Variants in EGFL6 observed in about 807,000 individuals in gnomAD.
EGFL6 encodes epidermal growth factor-like protein 6.
A neutral mutation model predicts 43.1 loss-of-function variants in EGFL6; 42 were observed. The ratio of observed to expected loss-of-function variants is 0.98; its 90% CI spans 0.76 to 1.26. The LOEUF (loss-of-function observed/expected upper bound fraction) is 1.26, where lower values mean the gene tolerates loss of function less well. EGFL6 is among the 50% of genes most tolerant of loss of function. EGFL6 has a pLI of 0.00. For synonymous variants in EGFL6, 164 were observed against 163.2 expected, an observed-to-expected ratio of 1.01 and a Z score of -0.04; for missense variants, 429 against 427.8, an observed-to-expected ratio of 1.00 and a Z score of -0.02.
chrX:13,576,313 G>C (rs1042221398), intron 1 of EGFL6, among the ~76,000 whole-genome samples: 1 of 111,137 alleles, frequency 9.0e-6, no homozygotes, highest in African/African-American at 3.3e-5. Context: ...CAAATTTCAT[G>C]AGAACACACT....
intron 7 of EGFL6, among the ~76,000 whole-genome samples, chrX:13,610,816 T>C (rs1158955589): frequency 9.0e-6 from 1 of 111,408 alleles, no homozygotes; most frequent in Non-Finnish European, 1.9e-5. Flanking sequence ...CTGTTCAAAA[T>C]GGGGTTTATG....
At chrX:13,572,045 T>C (rs1232339010) in intron 1 of EGFL6, among the ~76,000 whole-genome samples, 2 of 112,591 alleles carry the variant, frequency 1.8e-5, no homozygotes, top group African/African-American at 6.5e-5. Flanking sequence ...TAAATGGTAT[T>C]TAGTGCATAG....
chrX:13,587,320 T>C (rs1470496454), intron 1 of EGFL6, among the ~76,000 whole-genome samples: 1 of 112,475 alleles, frequency 8.9e-6, no homozygotes, highest in Non-Finnish European at 1.9e-5. Context: ...CAGCATACTT[T>C]ATGGTTAGTT....
At chrX:13,613,871 T>A in intron 7 of EGFL6, among the ~76,000 whole-genome samples, 1 of 112,046 alleles carries the variant, frequency 8.9e-6, no homozygotes, top group Non-Finnish European at 1.9e-5. Flanking sequence ...TATTCAAGAA[T>A]ATGGGTTTTG....
chrX:13,578,109 C>T (rs986021787), intron 1 of EGFL6, among the ~76,000 whole-genome samples: 7 of 111,552 alleles, frequency 6.3e-5, no homozygotes, highest in Admixed American at 5.7e-4. Flanking sequence ...AAGCAACAAA[C>T]GTCAACAAAG....
chrX:13,617,545 A>G (rs886840606), intron 7 of EGFL6, among the ~76,000 whole-genome samples, 185 bp from the exon 8 acceptor site: 11 of 111,436 alleles, frequency 9.9e-5, no homozygotes, highest in African/African-American at 3.6e-4. Flanking sequence ...AACTACCATA[A>G]CAGTGGAACT....
chrX:13,629,065 AGTATAT>A (rs1297893737), intron 11 of EGFL6, among the ~76,000 whole-genome samples: 1 of 113,044 alleles, frequency 8.8e-6, no homozygotes, highest in African/African-American at 3.2e-5. Flanking sequence ...TATAAATAAA[AGTATAT>A]GTTGGGTACC....
chrX:13,622,207 A>G (rs1451883312), intron 9 of EGFL6, among the ~76,000 whole-genome samples: 5 of 106,138 alleles, frequency 4.7e-5, no homozygotes, highest in African/African-American at 1.5e-4. Context: ...ATAGGGAGTT[A>G]AGAAGAAAGG....
chrX:13,578,687 C>A (rs918386013), intron 1 of EGFL6, among the ~76,000 whole-genome samples: 2 of 110,561 alleles, frequency 1.8e-5, no homozygotes, highest in Admixed American at 1.9e-4. Flanking sequence ...GGACAAAAAA[C>A]CAAACACCGC....
intron 1 of EGFL6, among the ~76,000 whole-genome samples, chrX:13,571,110 CCCACCA>C (rs1247073776): frequency 1.1e-5 from 1 of 88,027 alleles, no homozygotes; most frequent in Non-Finnish European, 2.2e-5. Flanking sequence ...CACCCCACCC[CCCACCA>C]CCACCACCAC....
rs759153312 is a variant in EGFL6, at chrX:13,633,030, G to A, written c.1597G>A (p.Ala533Thr). The change falls in exon 12 of 12, where the codon GCA becomes ACA. Residue 533 changes from alanine to threonine, a missense_variant. Physicochemically the swap from Ala to Thr is moderately conservative, Grantham distance 58 (BLOSUM62 0). Transcript: ENST00000361306. ...ERGKGKTGEI[A>T]VDGVLLVSGL... ...TGGCAAGGGCAAAACCGGCGAAATC[G>A]CAGTGGATGGCGTCTTGCTTGTTTC... The A allele has an allele frequency of 2.9e-5, 35 of 1,205,397 alleles. No homozygotes were observed. The East Asian group carries it at 6.6e-4, about 23-fold the overall frequency.
At chrX:13,595,460 G>T (rs868238668) in intron 3 of EGFL6, among the ~76,000 whole-genome samples, 2 of 111,852 alleles carry the variant, frequency 1.8e-5, no homozygotes, top group African/African-American at 6.5e-5. Flanking sequence ...TTGCATGTCA[G>T]CACACACAGA....
At chrX:13,605,962 C>T (rs1052859438) in intron 5 of EGFL6, among the ~76,000 whole-genome samples, 2 of 112,098 alleles carry the variant, frequency 1.8e-5, no homozygotes, top group African/African-American at 6.5e-5. Flanking sequence ...GTTTGGTTTA[C>T]TTAAAGTATA....
chrX:13,617,013 G>T (rs1234116723), intron 7 of EGFL6, among the ~76,000 whole-genome samples: 1 of 110,254 alleles, frequency 9.1e-6, no homozygotes, highest in Admixed American at 9.5e-5. Flanking sequence ...GGGACTACAG[G>T]CGCCCGCCAC....
chrX:13,608,196 C>T lies in EGFL6; in HGVS notation c.656-128C>T, dbSNP rs755305083. On this transcript the variant is annotated intron_variant, in intron 6 of 11. Transcript: ENST00000361306. ...TGAGCCTGCAGTTCTGAACACCTCT[C>T]AGTTCTCAGGCAATGCTTGGTTTGT... 4.7e-6 allele frequency: 4 copies of T among 856,298 alleles called. No individual in the cohort carries two copies. In the South Asian group the frequency reaches 1.2e-4, roughly 25 times the overall value. The allele number at this position is 856,298 out of a possible 1,213,427, so 70.6% of individuals were successfully genotyped here.
chrX:13,633,244 G>T lies in EGFL6; in HGVS notation c.*149G>T. Reference sequence around the variant, plus strand: ...ATTGTAAGATGCCTTTCTTGTATAAGATATGCCAATATTTGCTTTAAATAT... The same window carrying T: ...ATTGTAAGATGCCTTTCTTGTATAATATATGCCAATATTTGCTTTAAATAT... On this transcript the variant is annotated 3_prime_UTR_variant, in exon 12 of 12. Coordinates refer to ENST00000361306, the MANE Select transcript of EGFL6 (RefSeq NM_015507.4). The T allele has an allele frequency of 2.3e-6, 1 of 426,093 alleles. No homozygotes were observed. Among genetic ancestry groups the T allele is most frequent in the Non-Finnish European group, 3.9e-6 (1 of 256,738 alleles). The allele number at this position is 426,093 out of a possible 1,213,427, so 35.1% of individuals were successfully genotyped here.
rs2045736428 is a variant in EGFL6, at chrX:13,619,207, C to T, written c.1147C>T (p.Gln383Ter). Reference sequence around the variant, plus strand: ...AGGTGAATTCGGCCTGATTCTGGTCCAAAGGAAAGCGCTAACTTCCAAACT... The same window carrying T: ...AGGTGAATTCGGCCTGATTCTGGTCTAAAGGAAAGCGCTAACTTCCAAACT... ...EAGEFGLILV[Q>*]RKALTSKLEH... Residue 383 changes from glutamine (Q) to a stop codon, truncating the protein, a stop_gained, in exon 9 of 12, where the codon CAA (glutamine) becomes TAA (stop). Coordinates refer to ENST00000361306, the MANE Select transcript of EGFL6 (RefSeq NM_015507.4). LOFTEE classifies it high-confidence loss of function. 2 of 1,209,624 alleles carry T rather than the reference C, an allele frequency of 1.7e-6. No homozygotes were observed. The highest frequency in any genetic ancestry group is 2.2e-6 in the Non-Finnish European group (2 of 894,694).
At chrX:13,583,156 C>T (rs1457382626) in intron 1 of EGFL6, among the ~76,000 whole-genome samples, 3 of 66,155 alleles carry the variant, frequency 4.5e-5, no homozygotes, top group Admixed American at 1.8e-4. Flanking sequence ...GCCCTTCTCA[C>T]TCCTGCTCCT....
intron 3 of EGFL6, among the ~76,000 whole-genome samples, chrX:13,598,804 T>C: frequency 9.5e-6 from 1 of 105,082 alleles, no homozygotes; most frequent in East Asian, 2.9e-4. Flanking sequence ...CATATATATA[T>C]AATTCACATA....
Sources: allele counts gnomAD v4.1 joint callset (sites outside exome capture counted in the v4.1 genomes callset), GRCh38; gene constraint gnomAD v4.1.1; transcripts MANE v1.5; gene names NCBI Gene and HGNC (gene_info 2026-07-23, HGNC 2026-07-21).